The following TKT variants were observed in gnomAD, a reference collection of about 807,000 sequenced individuals.
TKT encodes epididymis luminal protein 107.
A neutral mutation model predicts 63.9 loss-of-function variants in TKT; 47 were observed. The observed-to-expected ratio is 0.74, with a 90% CI of 0.58 to 0.94. TKT has a LOEUF of 0.94. Ranked by LOEUF, TKT falls within the 40% of genes least tolerant of loss-of-function variation. The pLI is 0.00. For missense variants in TKT, 721 were observed against 846.2 expected, an observed-to-expected ratio of 0.85 and a Z score of 1.84; for synonymous variants, 338 against 334.1, an observed-to-expected ratio of 1.01 and a Z score of -0.13.
intron 1 of TKT, among the ~76,000 whole-genome samples, chr3:53,243,818 G>C (rs566085314): frequency 6.6e-6 from 1 of 152,176 alleles, no homozygotes; most frequent in Non-Finnish European, 1.5e-5. Flanking sequence ...GGCCCTGAGG[G>C]GTCCTGTTTC....
intron 4 of TKT, among the ~76,000 whole-genome samples, chr3:53,237,495 T>TACACACACACACACACACACACAC: frequency 6.9e-6 from 1 of 144,898 alleles, no homozygotes; most frequent in East Asian, 2.1e-4. Flanking sequence ...TTTTATATTA[T>TACACACACACACACACACACACAC]ACACACACAC....
rs1553675048 is a variant in TKT at position 53,224,747 on chromosome 3, G to A, written c.*1009C>T. 2 of 152,310 alleles carry A rather than the reference G, an allele frequency of 1.3e-5. No individual in the cohort carries two copies. Among genetic ancestry groups the A allele is most frequent in the Non-Finnish European group, 2.9e-5 (2 of 68,084 alleles). The allele number at this position is 152,310 out of a possible 1,614,324, so 9.4% of individuals were successfully genotyped here. A position where few individuals can be genotyped will look rare whatever the true frequency, so the allele number is the denominator to read the frequency against. Reference sequence around the variant, plus strand: ...CAGGTTTATTCTCTCCAGACGGTCAGGAGGACAGGTGGACGTGTCCACAAA... The same window carrying A: ...CAGGTTTATTCTCTCCAGACGGTCAAGAGGACAGGTGGACGTGTCCACAAA... On this transcript the variant is annotated 3_prime_UTR_variant, in exon 14 of 14. Coordinates refer to ENST00000462138, the MANE Select transcript of TKT (RefSeq NM_001064.4).
chr3:53,225,457 TG>T lies in TKT; in HGVS notation c.*298del. ...AGGCAGGTTGCAGTCAAATGTCACC[TG>T]GTGATGAATGGGAGGCAGCGATAGT... is the stretch of plus-strand genomic sequence containing the variant. On this transcript the variant is annotated 3_prime_UTR_variant, in exon 14 of 14. Coordinates refer to ENST00000462138, the MANE Select transcript of TKT (RefSeq NM_001064.4). The T allele has an allele frequency of 4.1e-6, 1 of 245,280 alleles. No individual in the cohort carries two copies. Among genetic ancestry groups the T allele is most frequent in the Non-Finnish European group, 7.8e-6 (1 of 127,628 alleles). The allele number at this position is 245,280 out of a possible 1,614,324, so 15.2% of individuals were successfully genotyped here. A position where few individuals can be genotyped will look rare whatever the true frequency, so the allele number is the denominator to read the frequency against.
At chr3:53,243,509 A>G (rs1208907284) in intron 1 of TKT, 1 of 453,438 alleles carries the variant, frequency 2.2e-6, no homozygotes, top group South Asian at 1.6e-5. Flanking sequence ...ACAAGTTAGT[A>G]GTAGAGAAAT....
chr3:53,246,173 C>T (rs187099371), intron 1 of TKT, among the ~76,000 whole-genome samples: 1 of 152,130 alleles, frequency 6.6e-6, no homozygotes, highest in African/African-American at 2.4e-5. Flanking sequence ...GAAGCTGAGG[C>T]AGGAGAACCA....
At chr3:53,241,286 C>A (rs781853292) in intron 2 of TKT, 41 bp from the exon 3 acceptor site, 1 of 1,555,330 alleles carries the variant, frequency 6.4e-7, no homozygotes, top group Admixed American at 1.8e-5. Context: ...AGGTGGGGAG[C>A]GGTTCTACTT....
chr3:53,235,237 C>T, intron 4 of TKT, 63 bp from the exon 5 acceptor site: 31 of 1,406,294 alleles, frequency 2.2e-5, no homozygotes, highest in Non-Finnish European at 2.8e-5. Flanking sequence ...TCCCACCCCC[C>T]CACCCATCCA....
intron 1 of TKT, among the ~76,000 whole-genome samples, chr3:53,255,247 T>C (rs782617515): frequency 1.3e-5 from 2 of 152,106 alleles, no homozygotes; most frequent in Non-Finnish European, 2.9e-5. Flanking sequence ...GGGAGCGTAG[T>C]CTGAGGTGGG....
At chr3:53,237,927 A>AAAAAAT (rs1238669629) in intron 4 of TKT, 1 of 152,172 alleles carries the variant, frequency 6.6e-6, no homozygotes, top group African/African-American at 2.4e-5. Flanking sequence ...TCCATCTCAG[A>AAAAAAT]AAAAATAAAA....
chr3:53,255,688 G>T, intron 1 of TKT, 148 bp downstream of exon 1: 1 of 404,492 alleles, frequency 2.5e-6, no homozygotes, highest in Non-Finnish European at 4.0e-6. Context: ...GCCCTGCGAG[G>T]CGCGCGTCTC....
At chr3:53,233,404 G>C (rs543428122) in intron 5 of TKT, 130 bp from the exon 6 acceptor site, 3 of 573,084 alleles carry the variant, frequency 5.2e-6, no homozygotes, top group Non-Finnish European at 8.8e-6. Flanking sequence ...GCCTCAGCTG[G>C]AGTAGTAGAA....
At position 53,244,071 on chromosome 3, in the gene TKT, G is replaced by C. The variant is rs377565099; in HGVS notation, c.108-1829C>G. On this transcript the variant is annotated intron_variant, in intron 1 of 13. Transcript: ENST00000462138. ...CCCAGGCCCAGATAGAGTAAACGTG[G>C]AGAGAGGAAGGTCAGCTGCGAGGTG... 3.0e-4 allele frequency among the ~76,000 whole-genome samples: 45 copies of C among 152,350 alleles called. 5 individuals carry two copies. The highest frequency in any genetic ancestry group is 2.2e-3 in the Admixed American group (34 of 15,300).
Position 53,229,121 on chromosome 3 carries a change from G to C in TKT, c.1281C>G (p.Ser427=). Reference sequence around the variant, plus strand: ...TAGCCAGATCTTCTAGGGCCATCTGGGAGGGCCCGTCTTCCCCTGGGGTGT... The same window carrying C: ...TAGCCAGATCTTCTAGGGCCATCTGCGAGGGCCCGTCTTCCCCTGGGGTGT... ...CGVSIGEDGP[S]QMALEDLAMF... is the part of the protein sequence containing the mutation. The change falls in exon 10 of 14, where the codon TCC becomes TCG. Residue 427 remains serine, a synonymous_variant. Coordinates refer to ENST00000462138, the MANE Select transcript of TKT (RefSeq NM_001064.4). 1 of 1,614,162 alleles carries C rather than the reference G, an allele frequency of 6.2e-7. No homozygotes were observed. Among genetic ancestry groups the C allele is most frequent in the Non-Finnish European group, 8.5e-7 (1 of 1,180,018 alleles).
At chr3:53,234,774 C>T in intron 5 of TKT, 1 of 460,358 alleles carries the variant, frequency 2.2e-6, no homozygotes, top group Non-Finnish European at 3.7e-6. Flanking sequence ...AACAAGGAAA[C>T]TCACTTAAAA....
intron 4 of TKT, 48 bp from the exon 5 acceptor site, chr3:53,235,222 C>A: frequency 1.3e-6 from 2 of 1,515,914 alleles, no homozygotes; most frequent in Non-Finnish European, 8.9e-7. Flanking sequence ...CTGGACCCAG[C>A]TGGCTCCCAC....
At chr3:53,251,443 C>G (rs868949329) in intron 1 of TKT, among the ~76,000 whole-genome samples, 16 of 152,178 alleles carry the variant, frequency 1.1e-4, no homozygotes, top group African/African-American at 3.9e-4. Context: ...GGAGATGACC[C>G]CAGAGAAGCT....
intron 1 of TKT, among the ~76,000 whole-genome samples, 169 bp downstream of exon 1, chr3:53,255,667 T>C (rs1446345071): frequency 6.6e-6 from 1 of 151,898 alleles, no homozygotes; most frequent in African/African-American, 2.4e-5. Flanking sequence ...GGAAGCCGCC[T>C]GCAGCCCGGG....
In TKT at chr3:53,225,321, G is replaced by C. The variant is rs1397439813; in HGVS notation, c.*435C>G. ...TGTGGGGACTTGGGGGAGGTGGGGC[G>C]GCCCTGAGAGTGCCTGGTCAGCTTC... On this transcript the variant is annotated 3_prime_UTR_variant, in exon 14 of 14. Transcript: ENST00000462138. 3.2e-5 allele frequency: 5 copies of C among 153,900 alleles called. No individual in the cohort carries two copies. Among genetic ancestry groups the C allele is most frequent in the African/African-American group, 1.2e-4 (5 of 41,366 alleles). 9.5% of individuals were successfully genotyped at this position (153,900 alleles called of 1,614,324 possible). A position where few individuals can be genotyped will look rare whatever the true frequency, so the allele number is the denominator to read the frequency against.
rs201142076 is a variant in TKT, at chr3:53,242,221, G to A, written c.129C>T (p.Ser43=). ...AGAGGACAGCCATGATCTCTGCGGC[G>A]CTGCAGCATGACGTGGGGTGGCTGT... The part of the protein sequence containing the change: ...AGSGHPTSCC[S]AAEIMAVLFF... The change falls in exon 2 of 14, where the codon AGC becomes AGT. Residue 43 remains serine, a synonymous_variant. Transcript: ENST00000462138. 86 of 1,614,056 alleles carry A rather than the reference G, an allele frequency of 5.3e-5. No homozygotes were observed. In the East Asian group the frequency reaches 1.6e-3, roughly 30 times the overall value.
Sources: allele counts gnomAD v4.1 joint callset (sites outside exome capture counted in the v4.1 genomes callset), GRCh38; gene constraint gnomAD v4.1.1; transcripts MANE v1.5; gene names NCBI Gene and HGNC (gene_info 2026-07-23, HGNC 2026-07-21).